RAP1GAP2: variants seen among roughly 807,000 people sequenced by gnomAD.
RAP1GAP2 encodes the protein rap1 GTPase-activating protein 2.
A neutral mutation model predicts 95.0 loss-of-function variants in RAP1GAP2; 27 were observed. The ratio of observed to expected loss-of-function variants is 0.28; its 90% CI spans 0.21 to 0.39. RAP1GAP2 has a LOEUF of 0.39. Among genes scored for constraint, RAP1GAP2 ranks in the 10% least tolerant of loss-of-function variants. The probability of loss-of-function intolerance (pLI) is 1.00; values close to 1 mark genes in which losing one functional copy is unlikely to be tolerated. For missense variants in RAP1GAP2, 771 were observed against 970.0 expected, an observed-to-expected ratio of 0.79 and a Z score of 2.72; for synonymous variants, 373 against 380.9, an observed-to-expected ratio of 0.98 and a Z score of 0.24.
intron 2 of RAP1GAP2, among the ~76,000 whole-genome samples, chr17:2,842,163 G>A (rs755407817): frequency 9.9e-5 from 15 of 152,174 alleles, no homozygotes; most frequent in Non-Finnish European, 2.1e-4. Flanking sequence ...CAGGGCCCAC[G>A]CTTGGGTAAT....
intron 2 of RAP1GAP2, among the ~76,000 whole-genome samples, chr17:2,842,947 T>C (rs951221439): frequency 1.3e-5 from 2 of 152,166 alleles, no homozygotes; most frequent in African/African-American, 4.8e-5. Context: ...CCCCTTCTTT[T>C]CTTTCCATGG....
chr17:2,767,359 TAAA>T (rs397857982), intron 1 of RAP1GAP2, among the ~76,000 whole-genome samples: 88 of 53,724 alleles, frequency 1.6e-3, no homozygotes, highest in African/African-American at 4.8e-3. Flanking sequence ...GAGACTCTGT[TAAA>T]AAAAAAAAAA....
intron 2 of RAP1GAP2, among the ~76,000 whole-genome samples, chr17:2,811,366 TGGTCAG>T (rs1430897285): frequency 2.0e-5 from 3 of 152,050 alleles, no homozygotes; most frequent in Non-Finnish European, 2.9e-5. Flanking sequence ...AACACAGAGG[TGGTCAG>T]GGCAGGGTCG....
At chr17:2,926,125 C>CAAAAAAA (rs990593437) in intron 3 of RAP1GAP2, among the ~76,000 whole-genome samples, 1 of 59,650 alleles carries the variant, frequency 1.7e-5, no homozygotes, top group East Asian at 4.7e-4. Flanking sequence ...GCCTCTGTCT[C>CAAAAAAA]AAAAAAAAAA....
chr17:2,838,016 C>CT (rs71153304), intron 2 of RAP1GAP2, among the ~76,000 whole-genome samples: 13,478 of 94,068 alleles, frequency 0.14, 1,814 homozygotes, highest in Non-Finnish European at 0.17. Context: ...TTCTTTTTTC[C>CT]TTTTTTTTTT....
chr17:2,951,263 C>G (rs572876720), intron 3 of RAP1GAP2, among the ~76,000 whole-genome samples: 1 of 152,240 alleles, frequency 6.6e-6, no homozygotes, highest in Non-Finnish European at 1.5e-5. Flanking sequence ...TTTGCCCATT[C>G]AGTTCCTGCT....
chr17:2,807,918 C>T (rs1255893771), intron 2 of RAP1GAP2, among the ~76,000 whole-genome samples: 2 of 152,088 alleles, frequency 1.3e-5, no homozygotes, highest in South Asian at 2.1e-4. Flanking sequence ...GAGACAGCCA[C>T]GTAAAGAGGT....
Position 2,933,491 on chromosome 17 carries a change from C to T in RAP1GAP2, c.166-24268C>T, listed in dbSNP as rs537660472. Among the ~76,000 whole-genome samples the T allele has an allele frequency of 8.0e-4, 122 of 152,338 alleles. 1 individual carries two copies. The highest frequency in any genetic ancestry group is 7.5e-3 in the South Asian group (36 of 4,832). Reference sequence around the variant, plus strand: ...AGCTTGGAGCGAAGCAGAGATTTTCCGGGAGGCCAACACCTCCCTTTTCTC... The same window carrying T: ...AGCTTGGAGCGAAGCAGAGATTTTCTGGGAGGCCAACACCTCCCTTTTCTC... On this transcript the variant is annotated intron_variant, in intron 3 of 24. Transcript: ENST00000254695.
chr17:2,962,717 G>A lies in RAP1GAP2; in HGVS notation c.246+3G>A. The A allele has an allele frequency of 6.3e-7, 1 of 1,593,658 alleles. No homozygotes were observed. Among genetic ancestry groups the A allele is most frequent in the Non-Finnish European group, 8.5e-7 (1 of 1,172,382 alleles). ...AGCCGGGACCCCAGAAGAACAAGGT[G>A]GGCTGGGTGGGTGAGGGGGTGGCCA... On this transcript the variant is annotated splice_donor_region_variant and intron_variant, in intron 5 of 24. Coordinates refer to ENST00000254695, the MANE Select transcript of RAP1GAP2 (RefSeq NM_015085.5).
intron 3 of RAP1GAP2, among the ~76,000 whole-genome samples, chr17:2,950,040 T>TTTC (rs752128071): frequency 1.6e-5 from 2 of 122,338 alleles, no homozygotes; most frequent in Admixed American, 9.7e-5. Flanking sequence ...ACCCATTTCT[T>TTTC]TTCTTCTTCT....
intron 3 of RAP1GAP2, among the ~76,000 whole-genome samples, chr17:2,912,121 CCCCA>C (rs2042405702): frequency 6.6e-6 from 1 of 152,216 alleles, no homozygotes; most frequent in African/African-American, 2.4e-5. Context: ...CAGGGAATGC[CCCCA>C]CCGCCTCTAT....
chr17:2,803,450 G>A (rs955584383), intron 2 of RAP1GAP2, among the ~76,000 whole-genome samples: 2 of 152,208 alleles, frequency 1.3e-5, no homozygotes, highest in Non-Finnish European at 2.9e-5. Flanking sequence ...ACCAGGAACT[G>A]GAAACCCGTT....
intron 2 of RAP1GAP2, among the ~76,000 whole-genome samples, chr17:2,878,824 A>T (rs2073185026): frequency 1.3e-5 from 2 of 152,214 alleles, no homozygotes. Flanking sequence ...CCCAGAGCCC[A>T]CTTAGCCACT....
intron 2 of RAP1GAP2, among the ~76,000 whole-genome samples, chr17:2,845,782 A>G (rs1461080211): frequency 2.0e-5 from 3 of 151,552 alleles, no homozygotes; most frequent in African/African-American, 7.3e-5. Flanking sequence ...AATCGCTTGA[A>G]CCCTGTAGGC....
In RAP1GAP2 at chr17:2,963,476, C is replaced by T. The variant is rs1327802666; in HGVS notation, c.279+14C>T. ...AGCATCGACGAGGTAGGTGCCCTCC[C>T]CTCACTCCCACCTGCCCTGCAGCCT... On this transcript the variant is annotated intron_variant, in intron 6 of 24. Coordinates refer to ENST00000254695, the MANE Select transcript of RAP1GAP2 (RefSeq NM_015085.5). The surrounding 1 kb of genome is among the most constrained non-coding windows in gnomAD (Gnocchi z 4.8). The T allele has an allele frequency of 4.3e-6, 7 of 1,613,680 alleles. No individual in the cohort carries two copies. The South Asian group carries it at 5.5e-5, about 13-fold the overall frequency.
chr17:2,870,127 T>C lies in RAP1GAP2; in HGVS notation c.81-35157T>C, dbSNP rs1204869404. 2.6e-5 allele frequency among the ~76,000 whole-genome samples: 4 copies of C among 151,670 alleles called. No homozygotes were observed. Among genetic ancestry groups the C allele is most frequent in the Admixed American group, 2.6e-4 (4 of 15,214 alleles). On this transcript the variant is annotated intron_variant, in intron 2 of 24. Coordinates refer to ENST00000254695, the MANE Select transcript of RAP1GAP2 (RefSeq NM_015085.5). The surrounding 1 kb of genome is among the most constrained non-coding windows in gnomAD (Gnocchi z 4.4). Reference sequence around the variant, plus strand: ...TGCTGCTGCTTGACAATCTTTTTTTTTTTTTTTGGAGATGGAGTCTCGCAC... The same window carrying C: ...TGCTGCTGCTTGACAATCTTTTTTTCTTTTTTTGGAGATGGAGTCTCGCAC...
At chr17:2,941,153 G>A in intron 3 of RAP1GAP2, among the ~76,000 whole-genome samples, 1 of 152,238 alleles carries the variant, frequency 6.6e-6, no homozygotes, top group Admixed American at 6.5e-5. Flanking sequence ...TGTAATCCCA[G>A]CACTTTGGGA....
At position 2,965,777 on chromosome 17, in the gene RAP1GAP2, C is replaced by T. The variant is rs1182478842; in HGVS notation, c.596+134C>T. On this transcript the variant is annotated intron_variant, in intron 8 of 24. Coordinates refer to ENST00000254695, the MANE Select transcript of RAP1GAP2 (RefSeq NM_015085.5). The surrounding 1 kb of genome is among the most constrained non-coding windows in gnomAD (Gnocchi z 4.7). ...GGGTGCACTGGCTGACGGGGACAGG[C>T]CTGCTGGAATCCTGGGGCTGTGTCT... 2 of 677,122 alleles carry T rather than the reference C, an allele frequency of 3.0e-6. No homozygotes were observed. Among genetic ancestry groups the T allele is most frequent in the African/African-American group, 1.8e-5 (1 of 55,630 alleles). 41.9% of individuals were successfully genotyped at this position (677,122 alleles called of 1,614,324 possible). A position where few individuals can be genotyped will look rare whatever the true frequency, so the allele number is the denominator to read the frequency against.
rs896651936 is a variant in RAP1GAP2, at chr17:2,906,590, C to G, written c.165+1222C>G. ...CTAGCCTAGTGCCTGCCCCAGCACC[C>G]AGCTCAGTGTTGGTATCTGAGCCGG... On this transcript the variant is annotated intron_variant, in intron 3 of 24. Coordinates refer to ENST00000254695, the MANE Select transcript of RAP1GAP2 (RefSeq NM_015085.5). This position sits in a 1 kb window ranked among gnomAD's most constrained non-coding sequence, Gnocchi z 4.3. Among the ~76,000 whole-genome samples, 5 of 152,024 alleles carry G rather than the reference C, an allele frequency of 3.3e-5. No individual in the cohort carries two copies. The highest frequency in any genetic ancestry group is 1.2e-4 in the African/African-American group (5 of 41,424).
Sources: allele counts gnomAD v4.1 joint callset (sites outside exome capture counted in the v4.1 genomes callset), GRCh38; gene constraint gnomAD v4.1.1; non-coding constraint Gnocchi (gnomAD v3.1); transcripts MANE v1.5; gene names NCBI Gene and HGNC (gene_info 2026-07-23, HGNC 2026-07-21).